Variants in HTN1 observed in about 807,000 individuals in gnomAD.
The protein encoded by HTN1 is histatin 1.
A neutral mutation model predicts 11.2 loss-of-function variants in HTN1; 18 were observed. The ratio of observed to expected loss-of-function variants is 1.61; its 90% CI spans 1.12 to 2.39. The LOEUF is 2.39. HTN1 is among the 30% of genes most tolerant of loss of function. The probability of loss-of-function intolerance (pLI) is 0.00; values close to 1 mark genes in which losing one functional copy is unlikely to be tolerated. For missense variants in HTN1, 80 were observed against 67.2 expected, an observed-to-expected ratio of 1.19 and a Z score of -0.67; for synonymous variants, 21 against 20.5, an observed-to-expected ratio of 1.02 and a Z score of -0.07.
chr4:70,058,803 G>C lies in HTN1; in HGVS notation c.*257G>C, dbSNP rs1473684900. ...TTTTCACTGCTGTTTCTGAGTAATAGAAATTCATTCCTCTCCAAAAGCAAT... is the reference window on the plus strand; with the variant it reads ...TTTTCACTGCTGTTTCTGAGTAATACAAATTCATTCCTCTCCAAAAGCAAT... On this transcript the variant is annotated 3_prime_UTR_variant, in exon 6 of 6. Coordinates refer to ENST00000246896, the MANE Select transcript of HTN1 (RefSeq NM_002159.4). 2.0e-5 allele frequency: 3 copies of C among 152,096 alleles called. No individual in the cohort carries two copies. Among genetic ancestry groups the C allele is most frequent in the African/African-American group, 7.2e-5 (3 of 41,414 alleles). The allele number at this position is 152,096 out of a possible 1,614,324, so 9.4% of individuals were successfully genotyped here.
chr4:70,053,125 A>C lies in HTN1; in HGVS notation c.49A>C (p.Ile17Leu). ...AGTCTTGGCTCTCATGATTTCCATG[A>C]TTGTAAGTATATCTGGAAATTTTAA... ...ALVLALMISM[I>L]SADSHEKRHH... The change falls in exon 2 of 6, where the codon ATT (isoleucine) becomes CTT (leucine). Residue 17 changes from isoleucine (I) to leucine (L), a missense_variant and splice_region_variant. Ile to Leu is a conservative substitution (Grantham distance 5). Coordinates refer to ENST00000246896, the MANE Select transcript of HTN1 (RefSeq NM_002159.4). The C allele has an allele frequency of 6.3e-7, 1 of 1,598,002 alleles. No individual in the cohort carries two copies. The highest frequency in any genetic ancestry group is 1.3e-5 in the African/African-American group (1 of 74,700).
intron 5 of HTN1, chr4:70,057,021 C>T (rs528930636): frequency 6.6e-6 from 1 of 152,274 alleles, no homozygotes; most frequent in East Asian, 1.9e-4. Flanking sequence ...TTTGATGCAG[C>T]AATCCCATGA....
intron 5 of HTN1, chr4:70,057,812 TC>T (rs1404109096): frequency 6.6e-6 from 1 of 152,186 alleles, no homozygotes; most frequent in African/African-American, 2.4e-5. Context: ...AAGTTTTCTG[TC>T]CTAAAATGAA....
At chr4:70,053,590 A>C (rs1356553723) in intron 2 of HTN1, among the ~76,000 whole-genome samples, 2 of 152,174 alleles carry the variant, frequency 1.3e-5, no homozygotes, top group Non-Finnish European at 2.9e-5. Flanking sequence ...CCTAAAATAA[A>C]GCTGCTTATT....
chr4:70,056,014 A>G (rs1206419161), intron 5 of HTN1: 1 of 154,040 alleles, frequency 6.5e-6, no homozygotes. Flanking sequence ...ATAGCATTGA[A>G]TCTATAAATT....
chr4:70,054,642 G>A (rs1725988310), intron 4 of HTN1, among the ~76,000 whole-genome samples, 192 bp downstream of exon 4: 1 of 152,020 alleles, frequency 6.6e-6, no homozygotes, highest in Admixed American at 6.6e-5. Flanking sequence ...CATTTCAACA[G>A]AAACTCAATT....
At chr4:70,056,714 A>G (rs1050737303) in intron 5 of HTN1, 6 of 152,138 alleles carry the variant, frequency 3.9e-5, no homozygotes, top group African/African-American at 1.4e-4. Context: ...ACCCCATCTA[A>G]AAGTGGGCAA....
intron 2 of HTN1, among the ~76,000 whole-genome samples, chr4:70,053,453 G>T (rs1283095774): frequency 2.6e-5 from 4 of 152,128 alleles, no homozygotes; most frequent in Non-Finnish European, 5.9e-5. Flanking sequence ...TCTGAAGTTA[G>T]AAATCTGAGG....
chr4:70,053,399 T>C (rs965780088), intron 2 of HTN1, among the ~76,000 whole-genome samples: 9 of 152,172 alleles, frequency 5.9e-5, no homozygotes, highest in Admixed American at 1.3e-4. Context: ...TATGTGGGAC[T>C]AAGATCTGTG....
Position 70,054,202 on chromosome 4 carries a change from A to G in HTN1, c.52-120A>G, listed in dbSNP as rs1725973303. ...GCTAAAATAACTAATTTAGTCTGTC[A>G]TCAACCAAAGAATGCCTCCATTCTG... On this transcript the variant is annotated intron_variant, in intron 2 of 5. Transcript: ENST00000246896. 4 of 618,668 alleles carry G rather than the reference A, an allele frequency of 6.5e-6. No individual in the cohort carries two copies. In the South Asian group the frequency reaches 7.2e-5, roughly 11 times the overall value. The allele number at this position is 618,668 out of a possible 1,614,324, so 38.3% of individuals were successfully genotyped here.
chr4:70,052,582 T>C (rs1308934261), intron 1 of HTN1, among the ~76,000 whole-genome samples: 5 of 152,114 alleles, frequency 3.3e-5, no homozygotes, highest in Non-Finnish European at 4.4e-5. Flanking sequence ...CCCATCCTCT[T>C]GGTCTGTTTA....
chr4:70,051,736 G>T (rs1725899263), intron 1 of HTN1, among the ~76,000 whole-genome samples: 1 of 152,070 alleles, frequency 6.6e-6, no homozygotes, highest in Non-Finnish European at 1.5e-5. Flanking sequence ...TATGGTAAAT[G>T]CCATAAATCT....
intron 1 of HTN1, among the ~76,000 whole-genome samples, chr4:70,052,330 C>T (rs1725914937): frequency 2.6e-5 from 4 of 152,082 alleles, no homozygotes; most frequent in Non-Finnish European, 4.4e-5. Context: ...TTCTACTTTC[C>T]TAATATCTCT....
chr4:70,055,338 T>TA (rs1726009289), intron 4 of HTN1, among the ~76,000 whole-genome samples, 160 bp from the exon 5 acceptor site: 1 of 151,966 alleles, frequency 6.6e-6, no homozygotes, highest in Admixed American at 6.6e-5. Flanking sequence ...ATTTTTCTGA[T>TA]AAAAAAGAAA....
chr4:70,055,354 A>T lies in HTN1; in HGVS notation c.103-144A>T, dbSNP rs1241330653. The T allele has an allele frequency of 5.9e-5, 38 of 643,674 alleles. No homozygotes were observed. The African/African-American group carries it at 6.8e-4, about 11-fold the overall frequency. The allele number at this position is 643,674 out of a possible 1,614,324, so 39.9% of individuals were successfully genotyped here. ...TTTTTCTGATAAAAAAGAAAAATGT[A>T]AAAGTTTGAAAACATTTATGTAGAT... On this transcript the variant is annotated intron_variant, in intron 4 of 5. Coordinates refer to ENST00000246896, the MANE Select transcript of HTN1 (RefSeq NM_002159.4).
At position 70,055,535 on chromosome 4, in the gene HTN1, G is replaced by A. The variant is rs1261432350; in HGVS notation, c.140G>A (p.Gly47Glu). 3 of 1,598,448 alleles carry A rather than the reference G, an allele frequency of 1.9e-6. No homozygotes were observed. The East Asian group carries it at 6.7e-5, about 36-fold the overall frequency. ...HHSHREFPFY[G>E]DYGSNYLYDN Reference sequence around the variant, plus strand: ...TCACATCGAGAATTTCCATTTTATGGGGACTATGGATCAAATTATCTATAT... The same window carrying A: ...TCACATCGAGAATTTCCATTTTATGAGGACTATGGATCAAATTATCTATAT... The change falls in exon 5 of 6, where the codon GGG becomes GAG. Residue 47 changes from glycine (G) to glutamate (E), a missense_variant. Physicochemically the swap from Gly to Glu is moderately conservative, Grantham distance 98. Coordinates refer to ENST00000246896, the MANE Select transcript of HTN1 (RefSeq NM_002159.4).
At chr4:70,050,982 A>C (rs1725876817) in intron 1 of HTN1, among the ~76,000 whole-genome samples, 1 of 152,122 alleles carries the variant, frequency 6.6e-6, no homozygotes, top group African/African-American at 2.4e-5. Context: ...ATTCCTATGA[A>C]TTAACACCAG....
intron 2 of HTN1, 88 bp downstream of exon 2, chr4:70,053,215 T>C (rs1725945288): frequency 4.8e-6 from 4 of 831,372 alleles, no homozygotes; most frequent in East Asian, 2.5e-5. Flanking sequence ...TATATACTCA[T>C]GTTGACCTCA....
chr4:70,055,517 G>T lies in HTN1; in HGVS notation c.122G>T (p.Arg41Leu), dbSNP rs375127098. The T allele has an allele frequency of 6.3e-7, 1 of 1,597,458 alleles. No homozygotes were observed. The highest frequency in any genetic ancestry group is 2.2e-5 in the East Asian group (1 of 44,644). The stretch of plus-strand genomic sequence containing the variant: ...ATGCAGGAAAAGCATCATTCACATC[G>T]AGAATTTCCATTTTATGGGGACTAT... ...RKFHEKHHSH[R>L]EFPFYGDYGS... Residue 41 changes from arginine to leucine, a missense_variant, in exon 5 of 6, where the codon CGA becomes CTA. Transcript: ENST00000246896.
Sources: allele counts gnomAD v4.1 joint callset (sites outside exome capture counted in the v4.1 genomes callset), GRCh38; gene constraint gnomAD v4.1.1; transcripts MANE v1.5; gene names NCBI Gene and HGNC (gene_info 2026-07-23, HGNC 2026-07-21).